The following GART variants were observed in gnomAD, a reference collection of about 807,000 sequenced individuals.
The protein encoded by GART is phosphoribosylglycinamide formyltransferase, phosphoribosylglycinamide synthetase, phosphoribosylaminoimidazole synthetase.
Under a neutral mutation model 107.2 loss-of-function variants are expected in GART, and 43 were observed. That is an observed-to-expected ratio of 0.40 (90% CI 0.31 to 0.52). The LOEUF (loss-of-function observed/expected upper bound fraction) is 0.52, where lower values mean the gene tolerates loss of function less well. Among genes scored for constraint, GART ranks in the 20% least tolerant of loss-of-function variants. GART has a pLI of 0.52. For missense variants in GART, 1,107 were observed against 1,206.5 expected (o/e 0.92, Z 1.22); for synonymous variants, 434 against 427.0 (o/e 1.02, Z -0.20).
chr21:33,535,418 T>TAG, intron 2 of GART, 98 bp from the exon 3 acceptor site: 1 of 663,712 alleles, frequency 1.5e-6, no homozygotes, highest in Non-Finnish European at 2.4e-6. Context: ...GTTCTATACT[T>TAG]TAGTATGCTT....
chr21:33,505,946 A>G (rs1298465645), intron 19 of GART, 28 bp downstream of exon 19: 3 of 1,613,112 alleles, frequency 1.9e-6, no homozygotes, highest in Non-Finnish European at 2.5e-6. Flanking sequence ...TATGGCCCAC[A>G]GCAAAGATAT....
In GART at chr21:33,504,215, T is replaced by C. The variant is rs777106482; in HGVS notation, c.2942A>G (p.His981Arg). The part of the protein sequence containing the change: ...TLSERVKLAE[H>R]KIFPAALQLV... ...CTGAAGGGCTGCAGGAAATATTTTA[T>C]GTTCTGCTAATTTTACTCTTTCAGA... Residue 981 changes from histidine to arginine, a missense_variant, in exon 22 of 22, where the codon CAT becomes CGT. His to Arg is a conservative substitution (Grantham distance 29). Coordinates refer to ENST00000381815, the MANE Select transcript of GART (RefSeq NM_000819.5). 6 of 1,614,242 alleles carry C rather than the reference T, an allele frequency of 3.7e-6. No homozygotes were observed. In the South Asian group the frequency reaches 5.5e-5, roughly 15 times the overall value.
intron 17 of GART, 59 bp downstream of exon 17, chr21:33,511,193 G>A (rs997094394): frequency 6.4e-6 from 10 of 1,562,186 alleles, no homozygotes; most frequent in Admixed American, 1.7e-5. Context: ...CAAGGCTGAG[G>A]TATAGCTAAA....
At chr21:33,527,413 G>A (rs1460515436) in intron 10 of GART, among the ~76,000 whole-genome samples, 1 of 152,118 alleles carries the variant, frequency 6.6e-6, no homozygotes, top group Non-Finnish European at 1.5e-5. Context: ...AGTTACTTGG[G>A]AGGCTGAGTC....
intron 20 of GART, 45 bp downstream of exon 20, chr21:33,505,516 T>C (rs1435605782): frequency 1.4e-5 from 22 of 1,545,936 alleles, no homozygotes; most frequent in Admixed American, 2.0e-5. Context: ...CTGGAGACCA[T>C]TTTCAATTGA....
At chr21:33,527,321 C>T (rs776850819) in intron 10 of GART, among the ~76,000 whole-genome samples, 51 of 152,188 alleles carry the variant, frequency 3.4e-4, no homozygotes, top group Non-Finnish European at 6.3e-4. Flanking sequence ...GAGTTCGAGA[C>T]CAGCCGGGCC....
chr21:33,507,859 A>ACAAAAC (rs1348508156), intron 18 of GART, among the ~76,000 whole-genome samples: 4 of 152,102 alleles, frequency 2.6e-5, no homozygotes, highest in Non-Finnish European at 5.9e-5. Context: ...CAAAACAAAA[A>ACAAAAC]AAAACTGAAA....
At position 33,509,886 on chromosome 21, in the gene GART, T is replaced by A; in HGVS notation, c.2349A>T (p.Glu783Asp). 6.2e-7 allele frequency: 1 copy of A among 1,613,666 alleles called. No homozygotes were observed. Among genetic ancestry groups the A allele is most frequent in the Non-Finnish European group, 8.5e-7 (1 of 1,179,778 alleles). ...ACACTGACCCATTTATTTGCATGCTTTCAATCAGATTCTTGACTTTCACAC... is the reference window on the plus strand; with the variant it reads ...ACACTGACCCATTTATTTGCATGCTATCAATCAGATTCTTGACTTTCACAC... Reference protein sequence around the residue: ...SPRVKVKNLIESMQINGSVLK... With the variant: ...SPRVKVKNLIDSMQINGSVLK... The change falls in exon 18 of 22, where the codon GAA becomes GAT. Residue 783 changes from glutamate to aspartate, a missense_variant. Physicochemically the swap from Glu to Asp is conservative, Grantham distance 45. Coordinates refer to ENST00000381815, the MANE Select transcript of GART (RefSeq NM_000819.5).
chr21:33,531,733 A>T (rs2085195067), intron 5 of GART, 176 bp from the exon 6 acceptor site: 2 of 591,840 alleles, frequency 3.4e-6, no homozygotes. Context: ...CCTATTTTTA[A>T]TGTGGCAATA....
At chr21:33,528,968 A>G (rs774194257) in intron 7 of GART, 31 bp from the exon 8 acceptor site, 2 of 1,455,326 alleles carry the variant, frequency 1.4e-6, no homozygotes, top group African/African-American at 2.8e-5. Context: ...GTTAAATGTA[A>G]CAGGTAACTT....
Position 33,511,309 on chromosome 21 carries a change from T to C in GART, c.2257A>G (p.Ile753Val), listed in dbSNP as rs2084780956. ...CAGGCTTCTTCCTTGTGCTGCTGGA[T>C]ATCCCTCAGAATCTGCTCTGTCTGC... ...KEQTEQILRD[I>V]QQHKEEAWVI... is the part of the protein sequence containing the mutation. The change falls in exon 17 of 22, where the codon ATC becomes GTC. Residue 753 changes from isoleucine (I) to valine (V), a missense_variant. Coordinates refer to ENST00000381815, the MANE Select transcript of GART (RefSeq NM_000819.5). The C allele has an allele frequency of 6.2e-7, 1 of 1,614,082 alleles. No individual in the cohort carries two copies. Among genetic ancestry groups the C allele is most frequent in the African/African-American group, 1.3e-5 (1 of 74,934 alleles).
intron 17 of GART, 24 bp downstream of exon 17, chr21:33,511,228 T>A (rs746890322): frequency 1.2e-6 from 2 of 1,613,142 alleles, no homozygotes; most frequent in South Asian, 2.2e-5. Flanking sequence ...ATTATATATC[T>A]AAAAATGAGT....
At chr21:33,525,060 G>A (rs1601203704) in intron 10 of GART, 60 bp from the exon 11 acceptor site, 1 of 1,530,688 alleles carries the variant, frequency 6.5e-7, no homozygotes, top group East Asian at 2.3e-5. Context: ...ACACCGTGAA[G>A]TGATTTACGA....
chr21:33,506,077 C>G lies in GART; in HGVS notation c.2480G>C (p.Ser827Thr). 1 of 1,614,010 alleles carries G rather than the reference C, an allele frequency of 6.2e-7. No homozygotes were observed. The highest frequency in any genetic ancestry group is 8.5e-7 in the Non-Finnish European group (1 of 1,179,994). The change falls in exon 19 of 22, where the codon AGT (serine) becomes ACT (threonine). Residue 827 changes from serine (S) to threonine (T), a missense_variant. Physicochemically the swap from Ser to Thr is moderately conservative, Grantham distance 58. Coordinates refer to ENST00000381815, the MANE Select transcript of GART (RefSeq NM_000819.5). ...TGSNLQALID[S>T]TREPNSSAQI... is the part of the protein sequence containing the mutation. ...TGCAGAGCTATTTGGTTCCCGAGTACTGTCTATAAGTGCTTGCAGGTTCGA... is the reference window on the plus strand; with the variant it reads ...TGCAGAGCTATTTGGTTCCCGAGTAGTGTCTATAAGTGCTTGCAGGTTCGA...
intron 10 of GART, among the ~76,000 whole-genome samples, chr21:33,527,278 G>C (rs1009330134): frequency 6.6e-6 from 1 of 152,166 alleles, no homozygotes; most frequent in Non-Finnish European, 1.5e-5. Flanking sequence ...CAATACTTGA[G>C]GAGGATGAGG....
chr21:33,539,745 TCATA>T (rs1236848903), intron 1 of GART, among the ~76,000 whole-genome samples: 2 of 152,088 alleles, frequency 1.3e-5, no homozygotes, highest in Non-Finnish European at 2.9e-5. Context: ...TCATTTGTAC[TCATA>T]CAAATGACAT....
Position 33,517,110 on chromosome 21 carries a change from G to A in GART, c.1986C>T (p.Tyr662=), listed in dbSNP as rs2145703637. The A allele has an allele frequency of 1.9e-6, 3 of 1,612,100 alleles. No homozygotes were observed. The highest frequency in any genetic ancestry group is 2.5e-6 in the Non-Finnish European group (3 of 1,179,542). Residue 662 remains tyrosine (Y), a synonymous_variant, in exon 16 of 22, where the codon TAC becomes TAT. Coordinates refer to ENST00000381815, the MANE Select transcript of GART (RefSeq NM_000819.5). The part of the protein sequence containing the change: ...GDLLLTPTRI[Y]SHSLLPVLRS... ...GTAGGACAGGTAACAGTGAATGGCTGTAGATTCTGGTAGGCGTGAGAAGTA... is the reference window on the plus strand; with the variant it reads ...GTAGGACAGGTAACAGTGAATGGCTATAGATTCTGGTAGGCGTGAGAAGTA...
intron 4 of GART, among the ~76,000 whole-genome samples, chr21:33,534,353 C>T (rs536655443): frequency 9.1e-4 from 139 of 152,126 alleles, no homozygotes; most frequent in Middle Eastern, 3.4e-3. Flanking sequence ...GCTGGGACTA[C>T]AGGTGCACAC....
intron 17 of GART, 45 bp downstream of exon 17, chr21:33,511,207 A>T: frequency 6.2e-7 from 1 of 1,600,956 alleles, no homozygotes; most frequent in Non-Finnish European, 8.6e-7. Flanking sequence ...AGCTAAAATT[A>T]TACAGCTAAA....
Sources: gnomAD v4.1 joint callset for allele counts (sites outside exome capture counted in the v4.1 genomes callset) on GRCh38, gnomAD v4.1.1 for gene constraint, MANE v1.5 for transcripts, NCBI Gene and HGNC (gene_info 2026-07-23, HGNC 2026-07-21) for gene names.